TMCC1: variants seen among roughly 807,000 people sequenced by gnomAD.
TMCC1 encodes transmembrane and coiled-coil domains protein 1.
TMCC1 carries 15 observed loss-of-function variants against 52.4 expected under a neutral mutation model. The observed-to-expected ratio is 0.29, with a 90% confidence interval of 0.19 to 0.44. TMCC1 has a LOEUF of 0.44. Among genes scored for constraint, TMCC1 ranks in the 20% least tolerant of loss-of-function variants. The probability of loss-of-function intolerance (pLI) is 1.00; values close to 1 mark genes in which losing one functional copy is unlikely to be tolerated. For missense variants in TMCC1, 503 were observed against 806.0 expected, an observed-to-expected ratio of 0.62 and a Z score of 4.55; for synonymous variants, 279 against 301.9, an observed-to-expected ratio of 0.92 and a Z score of 0.79.
intron 4 of TMCC1, among the ~76,000 whole-genome samples, chr3:129,824,056 C>T (rs946720692): frequency 6.6e-6 from 1 of 152,138 alleles, no homozygotes; most frequent in African/African-American, 2.4e-5. Flanking sequence ...TGAACTTTGG[C>T]TGGGCGCGGT....
chr3:129,772,753 C>T (rs1467396102), intron 4 of TMCC1, among the ~76,000 whole-genome samples: 1 of 143,352 alleles, frequency 7.0e-6, no homozygotes, highest in South Asian at 2.2e-4. Context: ...AACTGATTCA[C>T]AGAAAAAAAA....
intron 4 of TMCC1, among the ~76,000 whole-genome samples, chr3:129,793,001 G>C (rs1323048170): frequency 1.3e-5 from 2 of 152,104 alleles, no homozygotes; most frequent in East Asian, 3.9e-4. Flanking sequence ...ATTATCACCT[G>C]GCTCTCAACT....
chr3:129,675,329 T>C (rs1461388926), intron 4 of TMCC1, among the ~76,000 whole-genome samples: 1 of 152,266 alleles, frequency 6.6e-6, no homozygotes, highest in Non-Finnish European at 1.5e-5. Flanking sequence ...GATTCTGGCA[T>C]AAATGGCTTG....
chr3:129,803,209 T>C (rs1487615043), intron 4 of TMCC1, among the ~76,000 whole-genome samples: 1 of 152,190 alleles, frequency 6.6e-6, no homozygotes, highest in African/African-American at 2.4e-5. Flanking sequence ...TTCTATTACA[T>C]GCAACAACAT....
At chr3:129,800,663 CATCT>C (rs67185986) in intron 4 of TMCC1, among the ~76,000 whole-genome samples, 94,985 of 151,428 alleles carry the variant, frequency 0.63, 35,020 homozygotes, top group Non-Finnish European at 0.83. Flanking sequence ...TATATCCATC[CATCT>C]GAGTATTCAT....
intron 4 of TMCC1, among the ~76,000 whole-genome samples, chr3:129,699,433 T>C (rs2047652004): frequency 6.6e-6 from 1 of 152,222 alleles, no homozygotes; most frequent in Non-Finnish European, 1.5e-5. Context: ...GGAGGAACCT[T>C]GAGTTCAGGG....
intron 3 of TMCC1, among the ~76,000 whole-genome samples, chr3:129,831,749 C>T (rs1022301028): frequency 6.6e-6 from 1 of 152,172 alleles, no homozygotes; most frequent in Non-Finnish European, 1.5e-5. Flanking sequence ...AAAAGAAATT[C>T]AATAGTCTCA....
chr3:129,741,054 T>A (rs1384653156), intron 4 of TMCC1, among the ~76,000 whole-genome samples: 1 of 152,214 alleles, frequency 6.6e-6, no homozygotes, highest in East Asian at 1.9e-4. Flanking sequence ...AATTTTAGTC[T>A]CATTGCTAGT....
At chr3:129,852,370 T>C (rs1001278404) in intron 2 of TMCC1, among the ~76,000 whole-genome samples, 2 of 149,718 alleles carry the variant, frequency 1.3e-5, no homozygotes, top group Non-Finnish European at 3.0e-5. Context: ...GGTAGGAGAA[T>C]TGCTTGAACC....
At chr3:129,689,038 T>C (rs2089618754) in intron 4 of TMCC1, among the ~76,000 whole-genome samples, 1 of 152,362 alleles carries the variant, frequency 6.6e-6, no homozygotes, top group Middle Eastern at 3.4e-3. Context: ...CAGATTTCCA[T>C]GCTTTTGTAA....
chr3:129,673,829 GAA>G (rs58816036), intron 4 of TMCC1, among the ~76,000 whole-genome samples: 161 of 146,796 alleles, frequency 1.1e-3, no homozygotes, highest in Admixed American at 1.1e-3. Context: ...TCTCTAAAAT[GAA>G]AAAAAAAAAA....
At chr3:129,750,860 C>A (rs1483291829) in intron 4 of TMCC1, among the ~76,000 whole-genome samples, 2 of 149,946 alleles carry the variant, frequency 1.3e-5, no homozygotes, top group Admixed American at 6.6e-5. Context: ...CAGGTGTGAG[C>A]CACTGCGCCC....
chr3:129,715,792 C>A (rs1027735354), intron 4 of TMCC1, among the ~76,000 whole-genome samples: 2 of 152,104 alleles, frequency 1.3e-5, no homozygotes, highest in Non-Finnish European at 2.9e-5. Context: ...CCTTACAGCA[C>A]CCACCATATT....
chr3:129,834,579 T>C lies in TMCC1; in HGVS notation c.-183-1753A>G, dbSNP rs142446881. ...TATAGGATTTCCAGGATATAAGACA[T>C]GTTTTAGGCCTAATGATCATGTAAG... On this transcript the variant is annotated intron_variant, in intron 2 of 6. Transcript: ENST00000393238. Among the ~76,000 whole-genome samples, 340 of 152,136 alleles carry C rather than the reference T, an allele frequency of 2.2e-3. 2 individuals are homozygous for C. Among genetic ancestry groups the C allele is most frequent in the African/African-American group, 7.3e-3 (303 of 41,498 alleles).
At chr3:129,671,838 G>A (rs575079907) in intron 4 of TMCC1, among the ~76,000 whole-genome samples, 1 of 152,098 alleles carries the variant, frequency 6.6e-6, no homozygotes, top group African/African-American at 2.4e-5. Context: ...TATATTCTAA[G>A]GATATTTAAG....
At chr3:129,764,790 T>G (rs2053983567) in intron 4 of TMCC1, among the ~76,000 whole-genome samples, 2 of 66,106 alleles carry the variant, frequency 3.0e-5, no homozygotes, top group African/African-American at 1.4e-4. Flanking sequence ...TATATATATA[T>G]TTTTTTTTTT....
intron 3 of TMCC1, among the ~76,000 whole-genome samples, chr3:129,829,478 G>A (rs576333325): frequency 2.7e-5 from 4 of 150,500 alleles, no homozygotes; most frequent in Admixed American, 2.0e-4. Context: ...AAAAAAGGGA[G>A]GGGGGGATGG....
At chr3:129,798,003 T>G (rs1388334911) in intron 4 of TMCC1, among the ~76,000 whole-genome samples, 1 of 150,030 alleles carries the variant, frequency 6.7e-6, no homozygotes, top group Non-Finnish European at 1.5e-5. Flanking sequence ...TTTTTTTTCT[T>G]TTTTTTTTTG....
intron 2 of TMCC1, among the ~76,000 whole-genome samples, chr3:129,835,850 AAG>A (rs2059134874): frequency 6.6e-6 from 1 of 152,206 alleles, no homozygotes; most frequent in Admixed American, 6.5e-5. Context: ...TCCAAAAAAG[AAG>A]AGAGAACAAG....
Sources: gnomAD v4.1 joint callset for allele counts (sites outside exome capture counted in the v4.1 genomes callset) on GRCh38, gnomAD v4.1.1 for gene constraint, MANE v1.5 for transcripts, NCBI Gene and HGNC (gene_info 2026-07-23, HGNC 2026-07-21) for gene names.